The following TENM2 variants were observed in gnomAD, a reference collection of about 807,000 sequenced individuals.
TENM2 encodes teneurin-2.
TENM2 carries 52 observed loss-of-function variants against 245.2 expected under a neutral mutation model. That is an observed-to-expected ratio of 0.21 (90% CI 0.17 to 0.27). The LOEUF is 0.27. Ranked by LOEUF, TENM2 falls within the 10% of genes least tolerant of loss-of-function variation. The pLI, the probability that TENM2 is intolerant of heterozygous loss-of-function variation, is 1.00. For missense variants in TENM2, 3,046 were observed against 3,666.8 expected (o/e 0.83, Z 4.37); for synonymous variants, 1,363 against 1,438.9 (o/e 0.95, Z 1.19).
At chr5:167,352,016 A>G (rs1424418464) in intron 1 of TENM2, among the ~76,000 whole-genome samples, 1 of 152,180 alleles carries the variant, frequency 6.6e-6, no homozygotes, top group East Asian at 1.9e-4. Flanking sequence ...TAGAGCAAAG[A>G]CTGAAGACTG....
chr5:167,419,572 C>T (rs1476648355), intron 2 of TENM2, among the ~76,000 whole-genome samples: 1 of 152,304 alleles, frequency 6.6e-6, no homozygotes, highest in African/African-American at 2.4e-5. Context: ...AAAAGCCCTT[C>T]TTGGTCAGAA....
chr5:167,453,702 A>G (rs1257998065), intron 2 of TENM2, among the ~76,000 whole-genome samples: 2 of 152,202 alleles, frequency 1.3e-5, no homozygotes, highest in Non-Finnish European at 2.9e-5. Flanking sequence ...TTCAAGATCA[A>G]AAGAATGGAT....
At chr5:167,444,171 A>G (rs953942360) in intron 2 of TENM2, among the ~76,000 whole-genome samples, 1 of 152,136 alleles carries the variant, frequency 6.6e-6, no homozygotes, top group Non-Finnish European at 1.5e-5. Context: ...TGTCATAAAG[A>G]AGAACCACCA....
In TENM2 at chr5:167,293,760, T is replaced by G. The variant is rs76641410; in HGVS notation, c.226+8697T>G. 4.7e-3 allele frequency among the ~76,000 whole-genome samples: 713 copies of G among 152,266 alleles called. 33 individuals carry two copies. In the East Asian group the frequency reaches 0.086, roughly 18 times the overall value. On this transcript the variant is annotated intron_variant, in intron 1 of 28. Coordinates refer to ENST00000518659, the Ensembl canonical transcript of TENM2. Reference sequence around the variant, plus strand: ...AAACCTAAGTATAAAAAATGTAGTGTTGCAACAAAAATTTGGATTTTTTTT... The same window carrying G: ...AAACCTAAGTATAAAAAATGTAGTGGTGCAACAAAAATTTGGATTTTTTTT...
intron 2 of TENM2, among the ~76,000 whole-genome samples, chr5:167,818,028 CT>C (rs1416809796): frequency 1.3e-5 from 2 of 152,184 alleles, no homozygotes; most frequent in Non-Finnish European, 2.9e-5. Context: ...CTCATGGTCA[CT>C]TTCTTCCCCC....
rs145594676 is a variant in TENM2 at position 167,416,518 on chromosome 5, C to T, written c.502+41045C>T. Among the ~76,000 whole-genome samples, 346 of 152,206 alleles carry T rather than the reference C, an allele frequency of 2.3e-3. 7 individuals carry two copies. Among genetic ancestry groups the T allele is most frequent in the Middle Eastern group, 0.014 (4 of 294 alleles). On this transcript the variant is annotated intron_variant, in intron 2 of 28. Coordinates refer to ENST00000518659, the Ensembl canonical transcript of TENM2. ...GTTTTGCAACTATTTGCAAGATAAA[C>T]GGACTGTCAGGTGCCTCTAAAAGGC...
At chr5:167,689,806 G>C (rs1388176870) in intron 2 of TENM2, among the ~76,000 whole-genome samples, 1 of 151,850 alleles carries the variant, frequency 6.6e-6, no homozygotes, top group African/African-American at 2.4e-5. Context: ...CTGTCTCCCA[G>C]GCTGGAGTGC....
chr5:167,418,237 G>A (rs1022583427), intron 2 of TENM2, among the ~76,000 whole-genome samples: 3 of 151,886 alleles, frequency 2.0e-5, no homozygotes, highest in Non-Finnish European at 4.4e-5. Flanking sequence ...GCTGAGGCGG[G>A]AGAATTGCTT....
chr5:167,155,340 T>G, the TENM2 span, among the ~76,000 whole-genome samples: 1 of 152,162 alleles, frequency 6.6e-6, no homozygotes, highest in African/African-American at 2.4e-5. Context: ...CGCCAAAAAA[T>G]TCTATGGTCA....
At chr5:167,100,480 G>T in the TENM2 span, among the ~76,000 whole-genome samples, 1 of 152,102 alleles carries the variant, frequency 6.6e-6, no homozygotes, top group African/African-American at 2.4e-5. Context: ...TGTTATTGCT[G>T]CCAGACCACC....
chr5:166,985,646 A>G, the TENM2 span, among the ~76,000 whole-genome samples: 1 of 152,086 alleles, frequency 6.6e-6, no homozygotes. Context: ...TATTTATTAT[A>G]TTTATTGGAT....
At chr5:167,286,767 G>A (rs1174195550) in intron 1 of TENM2, among the ~76,000 whole-genome samples, 2 of 152,200 alleles carry the variant, frequency 1.3e-5, no homozygotes, top group Non-Finnish European at 2.9e-5. Context: ...GCACTGACAT[G>A]TAGATTCCAG....
chr5:167,720,979 T>G (rs1224391401), intron 2 of TENM2, among the ~76,000 whole-genome samples: 1 of 152,222 alleles, frequency 6.6e-6, no homozygotes, highest in East Asian at 1.9e-4. Context: ...CAGATGCCAG[T>G]GTACTGGGAA....
At chr5:168,108,402 G>A (rs1476601574) in intron 9 of TENM2, among the ~76,000 whole-genome samples, 3 of 152,254 alleles carry the variant, frequency 2.0e-5, no homozygotes, top group African/African-American at 7.2e-5. Flanking sequence ...TAACCCCTCT[G>A]AGCCTCGGTT....
chr5:167,517,767 A>G (rs1411085153), intron 2 of TENM2, among the ~76,000 whole-genome samples: 1 of 152,142 alleles, frequency 6.6e-6, no homozygotes, highest in Non-Finnish European at 1.5e-5. Flanking sequence ...TATCTTGCAA[A>G]GGCTGATACC....
chr5:167,599,696 AT>A (rs1445622660), intron 2 of TENM2, among the ~76,000 whole-genome samples: 2 of 151,838 alleles, frequency 1.3e-5, no homozygotes, highest in East Asian at 1.9e-4. Context: ...GGGTTTTTTT[AT>A]TTGTTTATTT....
intron 2 of TENM2, among the ~76,000 whole-genome samples, chr5:167,783,954 A>G (rs1420987604): frequency 6.6e-6 from 1 of 152,154 alleles, no homozygotes; most frequent in African/African-American, 2.4e-5. Flanking sequence ...GTATCAGTCA[A>G]TGTTTGTGAC....
chr5:167,810,725 T>A (rs955820089), intron 2 of TENM2, among the ~76,000 whole-genome samples: 28 of 152,018 alleles, frequency 1.8e-4, no homozygotes, highest in African/African-American at 6.3e-4. Flanking sequence ...AGTGCAACAA[T>A]TGGCCCCAGT....
At chr5:167,280,231 G>A (rs1045276818), upstream of TENM2, among the ~76,000 whole-genome samples, 1 of 152,166 alleles carries the variant, frequency 6.6e-6, no homozygotes, top group African/African-American at 2.4e-5. Context: ...TGGGTGGTAG[G>A]AGTAGGAATG....
Sources: allele counts gnomAD v4.1 joint callset (sites outside exome capture counted in the v4.1 genomes callset), GRCh38; gene constraint gnomAD v4.1.1; transcripts MANE v1.5; gene names NCBI Gene and HGNC (gene_info 2026-07-23, HGNC 2026-07-21).